SGCZ: variants seen among roughly 807,000 people sequenced by gnomAD.
SGCZ encodes the protein sarcoglycan zeta, also known as zeta-sarcoglycan.
In SGCZ, 40 loss-of-function variants were observed where a neutral mutation model predicts 41.3. That is an observed-to-expected ratio of 0.97 (90% CI 0.75 to 1.26). The LOEUF (loss-of-function observed/expected upper bound fraction) is 1.26, where lower values mean the gene tolerates loss of function less well. Ranked by LOEUF, SGCZ falls within the 50% of genes most tolerant of loss-of-function variation. The probability of loss-of-function intolerance (pLI) is 0.00; values close to 1 mark genes in which losing one functional copy is unlikely to be tolerated. For synonymous variants in SGCZ, 206 were observed against 137.5 expected (o/e 1.50, Z -3.49); for missense variants, 552 against 369.8 (o/e 1.49, Z -4.04).
chr8:14,432,922 A>T (rs1442225666), intron 2 of SGCZ, among the ~76,000 whole-genome samples: 14 of 18,176 alleles, frequency 7.7e-4, no homozygotes, highest in Non-Finnish European at 3.2e-3. Context: ...TCCAAAAAAA[A>T]AAAAAAAAAA....
chr8:14,653,402 C>T (rs191445182), intron 1 of SGCZ, among the ~76,000 whole-genome samples: 1 of 152,180 alleles, frequency 6.6e-6, no homozygotes, highest in African/African-American at 2.4e-5. Context: ...TAAATTAATC[C>T]TATATAGTGC....
chr8:14,902,663 T>C (rs946389136), intron 1 of SGCZ, among the ~76,000 whole-genome samples: 2 of 152,148 alleles, frequency 1.3e-5, no homozygotes, highest in South Asian at 2.1e-4. Flanking sequence ...GAAATTAGCC[T>C]AGTCCTGACA....
At chr8:14,410,780 C>A (rs1328013014) in intron 2 of SGCZ, among the ~76,000 whole-genome samples, 1 of 151,984 alleles carries the variant, frequency 6.6e-6, no homozygotes, top group African/African-American at 2.4e-5. Context: ...GTAAAATATA[C>A]AAAAACCAAT....
intron 1 of SGCZ, among the ~76,000 whole-genome samples, chr8:14,655,733 G>C (rs10113307): frequency 0.16 from 23,629 of 151,948 alleles, 2,335 homozygotes; most frequent in Admixed American, 0.23. Flanking sequence ...ATCACAATAA[G>C]AATCTCTCAT....
chr8:14,854,684 T>G (rs563818870), intron 1 of SGCZ, among the ~76,000 whole-genome samples: 25 of 152,314 alleles, frequency 1.6e-4, no homozygotes, highest in South Asian at 8.3e-4. Flanking sequence ...GATTTACTGG[T>G]CCTTCTGATT....
At chr8:14,552,347 G>C (rs932280494) in intron 2 of SGCZ, among the ~76,000 whole-genome samples, 1 of 152,028 alleles carries the variant, frequency 6.6e-6, no homozygotes, top group Non-Finnish European at 1.5e-5. Context: ...GCTAGAGAGT[G>C]TGTTACCTTA....
chr8:14,415,242 A>G (rs558182290), intron 2 of SGCZ, among the ~76,000 whole-genome samples: 39 of 152,068 alleles, frequency 2.6e-4, no homozygotes, highest in African/African-American at 8.9e-4. Context: ...TTTCAATCAT[A>G]TAAGTTCCAA....
intron 1 of SGCZ, among the ~76,000 whole-genome samples, chr8:15,189,095 G>A (rs938946431): frequency 1.3e-5 from 2 of 152,098 alleles, no homozygotes; most frequent in African/African-American, 2.4e-5. Context: ...AAGAGATTCA[G>A]GAAGATGGCC....
chr8:14,555,711 C>G (rs956883022), intron 1 of SGCZ, among the ~76,000 whole-genome samples: 29 of 151,974 alleles, frequency 1.9e-4, no homozygotes, highest in Admixed American at 8.5e-4. Context: ...GAGTCTACCA[C>G]AAGGATTTTC....
intron 1 of SGCZ, among the ~76,000 whole-genome samples, chr8:14,876,149 C>G (rs117366179): frequency 0.01 from 1,590 of 152,272 alleles, 25 homozygotes; most frequent in East Asian, 0.058. Flanking sequence ...CTAGGGATCT[C>G]TTAAAAGCAC....
chr8:14,708,217 C>A, intron 1 of SGCZ, among the ~76,000 whole-genome samples: 1 of 151,922 alleles, frequency 6.6e-6, no homozygotes, highest in Non-Finnish European at 1.5e-5. Flanking sequence ...ATATAAACCC[C>A]AGAGTAGACT....
intron 2 of SGCZ, among the ~76,000 whole-genome samples, chr8:14,382,333 C>T (rs1804398305): frequency 6.6e-6 from 1 of 151,972 alleles, no homozygotes; most frequent in Non-Finnish European, 1.5e-5. Flanking sequence ...TGCGTAAGGC[C>T]CAAAGCCTGT....
chr8:14,966,648 G>A (rs542397302), intron 1 of SGCZ, among the ~76,000 whole-genome samples: 1 of 152,002 alleles, frequency 6.6e-6, no homozygotes, highest in Non-Finnish European at 1.5e-5. Context: ...TTTTCCTTCT[G>A]TAAAAGCACC....
chr8:14,272,345 C>G (rs1285285712), intron 3 of SGCZ, among the ~76,000 whole-genome samples: 1 of 152,188 alleles, frequency 6.6e-6, no homozygotes, highest in African/African-American at 2.4e-5. Flanking sequence ...AAATTCCATA[C>G]AGGGTGACTA....
intron 1 of SGCZ, among the ~76,000 whole-genome samples, chr8:15,156,894 G>C (rs942493065): frequency 6.7e-6 from 1 of 148,868 alleles, no homozygotes; most frequent in African/African-American, 2.5e-5. Flanking sequence ...GCAGTAAGCC[G>C]AGCATGCAGC....
chr8:14,446,784 T>G (rs1268980876), intron 2 of SGCZ, among the ~76,000 whole-genome samples: 1 of 152,156 alleles, frequency 6.6e-6, no homozygotes, highest in East Asian at 1.9e-4. Context: ...ACTAAAGTAC[T>G]AAACAAATGG....
At chr8:14,895,406 T>C (rs972950641) in intron 1 of SGCZ, among the ~76,000 whole-genome samples, 2 of 152,266 alleles carry the variant, frequency 1.3e-5, no homozygotes, top group Admixed American at 6.5e-5. Flanking sequence ...CACATCTGTG[T>C]GTGTTTTTTT....
intron 1 of SGCZ, among the ~76,000 whole-genome samples, chr8:14,977,992 G>T (rs1237682320): frequency 6.6e-6 from 1 of 151,036 alleles, no homozygotes; most frequent in Non-Finnish European, 1.5e-5. Flanking sequence ...TATAATTTGG[G>T]GATGATGTCA....
intron 1 of SGCZ, among the ~76,000 whole-genome samples, chr8:14,970,501 T>C (rs562131232): frequency 4.6e-5 from 7 of 152,304 alleles, no homozygotes; most frequent in Non-Finnish European, 1.0e-4. Flanking sequence ...TTTTATATAG[T>C]ATGAAGTATG....
Sources: gnomAD v4.1 joint callset for allele counts (sites outside exome capture counted in the v4.1 genomes callset) on GRCh38, gnomAD v4.1.1 for gene constraint, MANE v1.5 for transcripts, NCBI Gene and HGNC (gene_info 2026-07-23, HGNC 2026-07-21) for gene names.